The following DNAH11 variants were observed in gnomAD, a reference collection of about 807,000 sequenced individuals.
DNAH11 encodes axonemal beta dynein heavy chain 11.
A neutral mutation model predicts 526.0 loss-of-function variants in DNAH11; 442 were observed. The observed-to-expected ratio is 0.84, with a 90% CI of 0.78 to 0.91. The LOEUF (loss-of-function observed/expected upper bound fraction) is 0.91, where lower values mean the gene tolerates loss of function less well. DNAH11 is among the 40% of genes least tolerant of loss of function. DNAH11 has a pLI of 0.00. For synonymous variants in DNAH11, 2,461 were observed against 1,935.9 expected (o/e 1.27, Z -7.12); for missense variants, 6,989 against 5,448.7 (o/e 1.28, Z -8.90).
intron 36 of DNAH11, among the ~76,000 whole-genome samples, chr7:21,700,984 G>A (rs1477291192): frequency 6.6e-6 from 1 of 152,104 alleles, no homozygotes; most frequent in Non-Finnish European, 1.5e-5. Context: ...GGGAGGGATA[G>A]CATTAGAAGA....
At chr7:21,585,728 A>G (rs550171948) in intron 9 of DNAH11, among the ~76,000 whole-genome samples, 30 of 152,358 alleles carry the variant, frequency 2.0e-4, no homozygotes, top group African/African-American at 6.5e-4. Context: ...CAGATTTTTA[A>G]AAATCTTTGA....
Position 21,858,960 on chromosome 7 carries a change from C to A in DNAH11, c.11203-2893C>A, listed in dbSNP as rs370917271. Reference sequence around the variant, plus strand: ...TCCAAAAACCAGAATGCTCCAAAATCTGAAACTTTTTGAATGCTGACAAGA... The same window carrying A: ...TCCAAAAACCAGAATGCTCCAAAATATGAAACTTTTTGAATGCTGACAAGA... On this transcript the variant is annotated intron_variant, in intron 68 of 81. Coordinates refer to ENST00000409508, the MANE Select transcript of DNAH11 (RefSeq NM_001277115.2). Among the ~76,000 whole-genome samples the A allele has an allele frequency of 5.3e-5, 8 of 152,296 alleles. 1 individual carries two copies. Among genetic ancestry groups the A allele is most frequent in the African/African-American group, 1.9e-4 (8 of 41,574 alleles).
intron 28 of DNAH11, among the ~76,000 whole-genome samples, chr7:21,642,232 A>G (rs17747517): frequency 0.1 from 15,523 of 151,302 alleles, 813 homozygotes; most frequent in South Asian, 0.2. Context: ...ATAAAATGCT[A>G]TCACACTGTT....
chr7:21,657,982 A>T (rs1782086586), intron 29 of DNAH11, among the ~76,000 whole-genome samples: 1 of 152,052 alleles, frequency 6.6e-6, no homozygotes, highest in South Asian at 2.1e-4. Flanking sequence ...CTTGGTATTT[A>T]TTTTTTATAG....
chr7:21,832,489 A>G (rs1280132588), intron 65 of DNAH11, among the ~76,000 whole-genome samples: 4 of 152,112 alleles, frequency 2.6e-5, no homozygotes, highest in African/African-American at 4.8e-5. Flanking sequence ...TTTTGAGCCT[A>G]TGTGTGTCTT....
At position 21,845,700 on chromosome 7, in the gene DNAH11, G is replaced by C. The variant is rs566591549; in HGVS notation, c.10896+2952G>C. 3.6e-4 allele frequency among the ~76,000 whole-genome samples: 55 copies of C among 151,988 alleles called. 1 individual carries two copies. Among genetic ancestry groups the C allele is most frequent in the African/African-American group, 1.3e-3 (53 of 41,460 alleles). ...TTTTCTGTATATTTTTGATGATTCT[G>C]GATCTTATGATTTTTAATATAAACT... is the stretch of plus-strand genomic sequence containing the variant. On this transcript the variant is annotated intron_variant, in intron 66 of 81. Transcript: ENST00000409508.
Position 21,739,646 on chromosome 7 carries a change from C to T in DNAH11, c.7887C>T (p.Gly2629=), listed in dbSNP as rs1260674153. Residue 2629 remains glycine, a synonymous_variant, in exon 48 of 82, where the codon GGC becomes GGT. Coordinates refer to ENST00000409508, the MANE Select transcript of DNAH11 (RefSeq NM_001277115.2). ...QYVACMNPMV[G]SFTINPRLQR... ...TCGCCTGCATGAATCCGATGGTGGGCAGCTTCACCATCAATCCCAGGCTAC... is the reference window on the plus strand; with the variant it reads ...TCGCCTGCATGAATCCGATGGTGGGTAGCTTCACCATCAATCCCAGGCTAC... 2.5e-6 allele frequency: 4 copies of T among 1,612,562 alleles called. No homozygotes were observed. Among genetic ancestry groups the T allele is most frequent in the African/African-American group, 1.3e-5 (1 of 74,858 alleles).
At chr7:21,875,173 C>T (rs968841045) in intron 74 of DNAH11, among the ~76,000 whole-genome samples, 2 of 152,156 alleles carry the variant, frequency 1.3e-5, no homozygotes, top group African/African-American at 2.4e-5. Context: ...TATTAAGTAT[C>T]TGCAATATGC....
rs558016236 is a variant in DNAH11, at chr7:21,717,545, T to G, written c.6984-230T>G. On this transcript the variant is annotated intron_variant, in intron 42 of 81. Coordinates refer to ENST00000409508, the MANE Select transcript of DNAH11 (RefSeq NM_001277115.2). Reference sequence around the variant, plus strand: ...TATTCCATTATGTTTGGCTTCTGAGTGCTATTAGGAGTTTCTTTTACAGTC... The same window carrying G: ...TATTCCATTATGTTTGGCTTCTGAGGGCTATTAGGAGTTTCTTTTACAGTC... 5.4e-4 allele frequency among the ~76,000 whole-genome samples: 82 copies of G among 152,250 alleles called. 1 individual carries two copies. The South Asian group carries it at 0.016, about 30-fold the overall frequency.
intron 76 of DNAH11, among the ~76,000 whole-genome samples, chr7:21,889,532 G>A (rs779781498): frequency 6.6e-6 from 1 of 152,082 alleles, no homozygotes; most frequent in South Asian, 2.1e-4. Flanking sequence ...TGACAGTTCT[G>A]TTTTCTCCAC....
chr7:21,574,894 T>TTTTTTG (rs1784027744), intron 8 of DNAH11, among the ~76,000 whole-genome samples: 3 of 98,016 alleles, frequency 3.1e-5, no homozygotes, highest in Non-Finnish European at 6.1e-5. Context: ...TTTTTTTTTT[T>TTTTTTG]GAGACAGTTT....
rs1783578999 is a variant in DNAH11, at chr7:21,564,295, A to G, written c.1092A>G (p.Leu364=). 2.5e-6 allele frequency: 4 copies of G among 1,613,658 alleles called. No homozygotes were observed. Among genetic ancestry groups the G allele is most frequent in the Non-Finnish European group, 3.4e-6 (4 of 1,179,758 alleles). The change falls in exon 6 of 82, where the codon TTA becomes TTG. Residue 364 remains leucine, a synonymous_variant. Coordinates refer to ENST00000409508, the MANE Select transcript of DNAH11 (RefSeq NM_001277115.2). ...FPQTRILIAP[L]FHTICLIWSH... ...AGACACGCATATTAATCGCTCCATTATTTCATACCATCTGTCTGATCTGGA... is the reference window on the plus strand; with the variant it reads ...AGACACGCATATTAATCGCTCCATTGTTTCATACCATCTGTCTGATCTGGA...
chr7:21,827,948 A>T (rs951658318), intron 65 of DNAH11, among the ~76,000 whole-genome samples: 2 of 150,626 alleles, frequency 1.3e-5, no homozygotes, highest in African/African-American at 2.4e-5. Flanking sequence ...TTTTTTTTTT[A>T]ATTTTTTTTT....
At chr7:21,836,220 C>A (rs577958341) in intron 65 of DNAH11, among the ~76,000 whole-genome samples, 4 of 152,066 alleles carry the variant, frequency 2.6e-5, no homozygotes, top group African/African-American at 4.8e-5. Context: ...AAAATACCAA[C>A]GACATTCTTC....
chr7:21,863,138 C>G (rs1351238623), intron 69 of DNAH11, among the ~76,000 whole-genome samples: 1 of 151,604 alleles, frequency 6.6e-6, no homozygotes, highest in African/African-American at 2.4e-5. Context: ...AGACCACATT[C>G]CTAGATAAAA....
rs955761952 is a variant in DNAH11, at chr7:21,684,583, A to G, written c.5621+639A>G. 7.3e-4 allele frequency among the ~76,000 whole-genome samples: 111 copies of G among 152,356 alleles called. 1 individual carries two copies. Among genetic ancestry groups the G allele is most frequent in the African/African-American group, 2.7e-3 (111 of 41,580 alleles). On this transcript the variant is annotated intron_variant, in intron 32 of 81. Coordinates refer to ENST00000409508, the MANE Select transcript of DNAH11 (RefSeq NM_001277115.2). ...GTGGAGAGCTTGAGCTGGGACCTAA[A>G]TGATGAGGAATCAGTTATGCAGAGA...
At chr7:21,704,660 G>A in intron 38 of DNAH11, 32 bp downstream of exon 38, 3 of 1,576,920 alleles carry the variant, frequency 1.9e-6, no homozygotes, top group East Asian at 2.2e-5. Flanking sequence ...CATGGCAGCT[G>A]TTGGGATTGT....
intron 2 of DNAH11, 125 bp downstream of exon 2, chr7:21,545,274 TAAAAA>T (rs10634177): frequency 4.7e-3 from 622 of 131,310 alleles, no homozygotes; most frequent in Middle Eastern, 0.01. Context: ...TGGGGGTGGT[TAAAAA>T]AAAAAAAAAA....
intron 42 of DNAH11, among the ~76,000 whole-genome samples, chr7:21,715,856 TC>T (rs758811310): frequency 4.9e-5 from 6 of 122,818 alleles, no homozygotes; most frequent in East Asian, 5.6e-4. Context: ...TTATCTGATT[TC>T]CCCCTCCCAC....
Sources: allele counts gnomAD v4.1 joint callset (sites outside exome capture counted in the v4.1 genomes callset), GRCh38; gene constraint gnomAD v4.1.1; transcripts MANE v1.5; gene names NCBI Gene and HGNC (gene_info 2026-07-23, HGNC 2026-07-21).